Variants in GRM6 observed in about 807,000 individuals in gnomAD.
The protein encoded by GRM6 is glutamate metabotropic receptor 6.
In GRM6, 73 loss-of-function variants were observed where a neutral mutation model predicts 78.4. The observed-to-expected ratio is 0.93, with a 90% CI of 0.77 to 1.13. The LOEUF (loss-of-function observed/expected upper bound fraction) is 1.13. Among genes scored for constraint, GRM6 ranks in the 50% most tolerant of loss-of-function variants. GRM6 has a pLI of 0.00. For missense variants in GRM6, 1,251 were observed against 1,256.4 expected, an observed-to-expected ratio of 1.00 and a Z score of 0.07; for synonymous variants, 580 against 555.0, an observed-to-expected ratio of 1.05 and a Z score of -0.63.
At chr5:178,985,780 GAGACA>G (rs776260583) in intron 9 of GRM6, 34 of 484,456 alleles carry the variant, frequency 7.0e-5, no homozygotes, top group Non-Finnish European at 1.1e-4. Context: ...TTTTTGTTTT[GAGACA>G]GGGTCTTACT....
In GRM6 at chr5:178,994,604, T is replaced by C; in HGVS notation, c.341A>G (p.Gln114Arg). Residue 114 changes from glutamine (Q) to arginine (R), a missense_variant, in exon 2 of 11, where the codon CAG (glutamine) becomes CGG (arginine). Transcript: ENST00000517717. The stretch of plus-strand genomic sequence containing the variant: ...GTCGCCGCGGCCGCGGATCAGCGCC[T>C]GCACGAAGCTCAGCGCCTGCTCCAG... ...YALEQALSFV[Q>R]ALIRGRGDGD... 7.0e-7 allele frequency: 1 copy of C among 1,420,120 alleles called. No individual in the cohort carries two copies. 88.0% of individuals were successfully genotyped at this position (1,420,120 alleles called of 1,614,324 possible). A position where few individuals can be genotyped will look rare whatever the true frequency, so the allele number is the denominator to read the frequency against.
At position 178,988,980 on chromosome 5, in the gene GRM6, C is replaced by T. The variant is rs754777968; in HGVS notation, c.1309G>A (p.Asp437Asn). Residue 437 changes from aspartate (D) to asparagine (N), a missense_variant, in exon 7 of 11, where the codon GAT (aspartate) becomes AAT (asparagine). Coordinates refer to ENST00000517717, the MANE Select transcript of GRM6 (RefSeq NM_000843.4). The surrounding 1 kb of genome is among the most constrained non-coding windows in gnomAD (Gnocchi z 6.0). ...TGLCPAMEPT[D>N]GRMLLQYIRA... ...ATGTACTGCAGAAGCATCCGCCCAT[C>T]AGTGGGTTCCATCGCCGGGCACAGG... is the stretch of plus-strand genomic sequence containing the variant. The T allele has an allele frequency of 6.8e-6, 11 of 1,613,916 alleles. No individual in the cohort carries two copies. The highest frequency in any genetic ancestry group is 2.2e-5 in the South Asian group (2 of 91,078).
chr5:178,986,089 T>C, intron 9 of GRM6, 41 bp downstream of exon 9: 1 of 1,583,080 alleles, frequency 6.3e-7, no homozygotes, highest in Non-Finnish European at 8.6e-7. Flanking sequence ...TTGCGGACAG[T>C]CCCCCTCCCT....
intron 9 of GRM6, chr5:178,985,700 C>CA (rs1561717036): frequency 2.0e-5 from 5 of 248,048 alleles, no homozygotes; most frequent in East Asian, 1.1e-4. Flanking sequence ...GAGACTCTGT[C>CA]TAAAAAAAAA....
At position 178,986,952 on chromosome 5, in the gene GRM6, C is replaced by G; in HGVS notation, c.1386G>C (p.Glu462Asp). 6.2e-7 allele frequency: 1 copy of G among 1,613,984 alleles called. No individual in the cohort carries two copies. Among genetic ancestry groups the G allele is most frequent in the Non-Finnish European group, 8.5e-7 (1 of 1,179,944 alleles). The change falls in exon 8 of 11, where the codon GAG becomes GAC. Residue 462 changes from glutamate (E) to aspartate (D), a missense_variant. Transcript: ENST00000517717. The stretch of plus-strand genomic sequence containing the variant: ...CGTACCGCCCGGGCGCATCTCCGTT[C>G]TCGTTGAACATCACAGGGGTTCCTG... ...GSAGTPVMFN[E>D]NGDAPGRYDI... is the part of the protein sequence containing the mutation.
chr5:178,985,690 G>C (rs374208203), intron 9 of GRM6: 28 of 387,832 alleles, frequency 7.2e-5, no homozygotes, highest in Admixed American at 2.0e-4. Context: ...GCGACACAGC[G>C]AGACTCTGTC....
intron 9 of GRM6, 176 bp from the exon 10 acceptor site, chr5:178,983,397 C>T (rs1187977358): frequency 1.4e-6 from 1 of 715,282 alleles, no homozygotes; most frequent in Non-Finnish European, 2.5e-6. Flanking sequence ...GATGGCAGCC[C>T]AGGCAGGGGC....
At position 178,983,588 on chromosome 5, in the gene GRM6, C is replaced by T. The variant is rs117900844; in HGVS notation, c.2125-367G>A. 4,571 of 417,746 alleles carry T rather than the reference C, an allele frequency of 0.011. 204 individuals carry two copies. In the East Asian group the frequency reaches 0.14, roughly 13 times the overall value. The allele number at this position is 417,746 out of a possible 1,614,324, so 25.9% of individuals were successfully genotyped here. Reference sequence around the variant, plus strand: ...CCCCTTCAAGGTAGATGGATGTGGCCGGAAGCTCTGGAACTGAGGCCCTAC... The same window carrying T: ...CCCCTTCAAGGTAGATGGATGTGGCTGGAAGCTCTGGAACTGAGGCCCTAC... On this transcript the variant is annotated intron_variant, in intron 9 of 10. Transcript: ENST00000517717.
At chr5:178,989,224 T>TGG in intron 6 of GRM6, 41 bp downstream of exon 6, 3 of 826,414 alleles carry the variant, frequency 3.6e-6, no homozygotes, top group Non-Finnish European at 5.2e-6. Context: ...CTCACCACCC[T>TGG]CCCCACCCTC....
chr5:178,985,563 C>A (rs6895298), intron 9 of GRM6: 30 of 337,520 alleles, frequency 8.9e-5, no homozygotes, highest in African/African-American at 1.3e-4. Flanking sequence ...ATTAGCCGGG[C>A]GTGGTGGCGG....
At chr5:178,985,414 A>C (rs1760492794) in intron 9 of GRM6, 1 of 365,894 alleles carries the variant, frequency 2.7e-6, no homozygotes, top group Non-Finnish European at 5.3e-6. Context: ...TAAAAAAAAA[A>C]AAAAACTCAC....
At position 178,981,941 on chromosome 5, in the gene GRM6, T is replaced by G; in HGVS notation, c.2437-87A>C. The G allele has an allele frequency of 2.2e-6, 2 of 899,458 alleles. No homozygotes were observed. Among genetic ancestry groups the G allele is most frequent in the Non-Finnish European group, 1.9e-6 (1 of 531,324 alleles). 55.7% of individuals were successfully genotyped at this position (899,458 alleles called of 1,614,324 possible). A position where few individuals can be genotyped will look rare whatever the true frequency, so the allele number is the denominator to read the frequency against. On this transcript the variant is annotated intron_variant, in intron 10 of 10. Transcript: ENST00000517717. This position sits in a 1 kb window ranked among gnomAD's most constrained non-coding sequence, Gnocchi z 5.1. ...CAGTCCTCACCACATACTCTGGAGC[T>G]GAGTCTGTTTCAGTTGGGGAACTGG...
Position 178,989,068 on chromosome 5 carries a change from C to A in GRM6, c.1221G>T (p.Ala407=). 6.2e-7 allele frequency: 1 copy of A among 1,613,996 alleles called. No homozygotes were observed. Among genetic ancestry groups the A allele is most frequent in the Middle Eastern group, 1.6e-4 (1 of 6,062 alleles). ...GGAGGGCGTGGGCAATGGCGTACAC[C>A]GCATCAATCACAAACTGCACCTTGC... The part of the protein sequence containing the change: ...QEGKVQFVID[A]VYAIAHALHS... The change falls in exon 7 of 11, where the codon GCG becomes GCT. Residue 407 remains alanine, a synonymous_variant. Transcript: ENST00000517717.
At chr5:178,985,631 AG>A (rs2113324305) in intron 9 of GRM6, 1 of 373,248 alleles carries the variant, frequency 2.7e-6, no homozygotes, top group African/African-American at 2.2e-5. Flanking sequence ...TGAACCCGGA[AG>A]GCAGAGCTTG....
At chr5:178,990,086 G>A (rs773697445) in intron 5 of GRM6, 7 of 205,100 alleles carry the variant, frequency 3.4e-5, no homozygotes, top group Middle Eastern at 1.9e-3. Context: ...TCCAGGGTCT[G>A]TGTTTCATAA....
chr5:178,981,806 A>C lies in GRM6; in HGVS notation c.2485T>G (p.Ser829Ala), dbSNP rs145930962. ...ACGTAGAGCATGCCGAGGGACACCG[A>C]GGCACTCAGGCTCAAGGACACGGTT... is the stretch of plus-strand genomic sequence containing the variant. ...TLTVSLSLSA[S>A]VSLGMLYVPK... The change falls in exon 11 of 11, where the codon TCG becomes GCG. Residue 829 changes from serine (S) to alanine (A), a missense_variant. Transcript: ENST00000517717. The surrounding 1 kb of genome is among the most constrained non-coding windows in gnomAD (Gnocchi z 5.1). 1.3e-4 allele frequency: 207 copies of C among 1,612,566 alleles called. No individual in the cohort carries two copies. In the Middle Eastern group the frequency reaches 2.6e-3, roughly 21 times the overall value.
intron 7 of GRM6, among the ~76,000 whole-genome samples, chr5:178,987,790 C>A (rs551358022): frequency 6.6e-6 from 1 of 152,164 alleles, no homozygotes; most frequent in African/African-American, 2.4e-5. Context: ...GACAGAGTCT[C>A]ACTGTGTCGC....
chr5:178,989,376 G>A lies in GRM6; in HGVS notation c.1042C>T (p.Leu348=). ...GFDQYFMTRS[L]ENNRRNIWFA... ...CAGATGTTCCTGCGGTTGTTCTCCA[G>A]GGATCGAGTCATGAAGTACTGGTCA... Residue 348 remains leucine (L), a synonymous_variant, in exon 6 of 11, where the codon CTG becomes TTG. Coordinates refer to ENST00000517717, the MANE Select transcript of GRM6 (RefSeq NM_000843.4). 6.2e-7 allele frequency: 1 copy of A among 1,614,110 alleles called. No individual in the cohort carries two copies. Among genetic ancestry groups the A allele is most frequent in the Non-Finnish European group, 8.5e-7 (1 of 1,179,956 alleles).
At chr5:178,994,390 C>T (rs1760734312) in intron 2 of GRM6, 51 bp downstream of exon 2, 1 of 1,444,048 alleles carries the variant, frequency 6.9e-7, no homozygotes, top group Non-Finnish European at 9.1e-7. Context: ...CACCCCAGGG[C>T]GAGGACGGGA....
Sources: allele counts gnomAD v4.1 joint callset (sites outside exome capture counted in the v4.1 genomes callset), GRCh38; gene constraint gnomAD v4.1.1; non-coding constraint Gnocchi (gnomAD v3.1); transcripts MANE v1.5; gene names NCBI Gene and HGNC (gene_info 2026-07-23, HGNC 2026-07-21).